LUZP2: variants seen among roughly 807,000 people sequenced by gnomAD.
LUZP2 encodes the protein leucine zipper protein 2.
LUZP2 carries 52 observed loss-of-function variants against 51.6 expected under a neutral mutation model. The ratio of observed to expected loss-of-function variants is 1.01; its 90% CI spans 0.81 to 1.27. The LOEUF is 1.27. LUZP2 is among the 50% of genes most tolerant of loss of function. The probability of loss-of-function intolerance (pLI) is 0.00; values close to 1 mark genes in which losing one functional copy is unlikely to be tolerated. For synonymous variants in LUZP2, 154 were observed against 137.3 expected, an observed-to-expected ratio of 1.12 and a Z score of -0.85; for missense variants, 436 against 395.4, an observed-to-expected ratio of 1.10 and a Z score of -0.87.
chr11:24,579,395 G>A (rs1414242245), intron 1 of LUZP2, among the ~76,000 whole-genome samples: 1 of 151,982 alleles, frequency 6.6e-6, no homozygotes, highest in Non-Finnish European at 1.5e-5. Context: ...TTCAGGTTTT[G>A]GATAAAGTTA....
At chr11:24,679,481 T>C (rs1856666707) in intron 1 of LUZP2, among the ~76,000 whole-genome samples, 1 of 152,162 alleles carries the variant, frequency 6.6e-6, no homozygotes, top group Admixed American at 6.5e-5. Context: ...CTAAGCTAGG[T>C]ACAAATTGTT....
intron 9 of LUZP2, among the ~76,000 whole-genome samples, chr11:25,009,560 T>G (rs1268092104): frequency 2.0e-5 from 3 of 152,178 alleles, no homozygotes; most frequent in Non-Finnish European, 4.4e-5. Context: ...CGTTTCATTT[T>G]CTTTTAAATA....
At chr11:24,937,890 G>T (rs1476954955) in intron 7 of LUZP2, among the ~76,000 whole-genome samples, 1 of 143,014 alleles carries the variant, frequency 7.0e-6, no homozygotes, top group Non-Finnish European at 1.5e-5. Flanking sequence ...GACAGGGCAA[G>T]ATTCCCTCTC....
chr11:24,590,726 A>G (rs1312616367), intron 1 of LUZP2, among the ~76,000 whole-genome samples: 1 of 152,196 alleles, frequency 6.6e-6, no homozygotes, highest in Non-Finnish European at 1.5e-5. Flanking sequence ...CAGAATAGGA[A>G]GTACATTAAT....
chr11:25,030,933 A>G (rs868506817), intron 9 of LUZP2, among the ~76,000 whole-genome samples: 6 of 1,302 alleles, frequency 4.6e-3, no homozygotes, highest in South Asian at 0.053. Context: ...TATATATAAT[A>G]TATATTATAT....
At position 24,981,758 on chromosome 11, in the gene LUZP2, A is replaced by T. The variant is rs544496149; in HGVS notation, c.598-1368A>T. 2.0e-5 allele frequency among the ~76,000 whole-genome samples: 3 copies of T among 152,014 alleles called. No homozygotes were observed. The East Asian group carries it at 5.8e-4, about 30-fold the overall frequency. On this transcript the variant is annotated intron_variant, in intron 8 of 11. Coordinates refer to ENST00000336930, the MANE Select transcript of LUZP2 (RefSeq NM_001009909.4). ...AAGAATCTACATTGCTATGGCAACGATTCTAAATACAGAAAGTTGATGCAG... is the reference window on the plus strand; with the variant it reads ...AAGAATCTACATTGCTATGGCAACGTTTCTAAATACAGAAAGTTGATGCAG...
At chr11:24,546,573 A>G (rs1439191566) in intron 1 of LUZP2, among the ~76,000 whole-genome samples, 1 of 152,102 alleles carries the variant, frequency 6.6e-6, no homozygotes, top group Non-Finnish European at 1.5e-5. Context: ...TGTGAATCAC[A>G]TTTATTGATT....
intron 5 of LUZP2, among the ~76,000 whole-genome samples, chr11:24,771,588 T>G (rs1195266172): frequency 6.6e-6 from 1 of 151,582 alleles, no homozygotes; most frequent in Admixed American, 6.6e-5. Context: ...TTACTAGTAC[T>G]AATGAATTAC....
At chr11:24,574,260 C>CTT (rs1156968274) in intron 1 of LUZP2, among the ~76,000 whole-genome samples, 1 of 7,364 alleles carries the variant, frequency 1.4e-4, no homozygotes, top group Non-Finnish European at 3.6e-4. Flanking sequence ...TTCTTTCTTT[C>CTT]TTGCTTTCTT....
chr11:24,613,614 A>G (rs1298241260), intron 1 of LUZP2, among the ~76,000 whole-genome samples: 2 of 152,032 alleles, frequency 1.3e-5, no homozygotes, highest in Non-Finnish European at 2.9e-5. Context: ...AGGAAGCAAC[A>G]ATAGATTAGA....
chr11:24,723,700 G>A (rs1858364735), intron 1 of LUZP2, among the ~76,000 whole-genome samples: 1 of 152,086 alleles, frequency 6.6e-6, no homozygotes. Context: ...GTATGGTGAT[G>A]TGTGCCTATA....
intron 9 of LUZP2, among the ~76,000 whole-genome samples, chr11:24,996,116 T>C (rs2133933807): frequency 6.6e-6 from 1 of 151,582 alleles, no homozygotes; most frequent in African/African-American, 2.4e-5. Context: ...TAACAACAAA[T>C]TGTGTATCTG....
intron 1 of LUZP2, among the ~76,000 whole-genome samples, chr11:24,702,189 A>G (rs1041598745): frequency 2.0e-5 from 3 of 152,208 alleles, no homozygotes; most frequent in Non-Finnish European, 4.4e-5. Flanking sequence ...CTGGAACTTG[A>G]TAGTCTCTTA....
At chr11:24,510,416 C>T (rs61245075) in intron 1 of LUZP2, among the ~76,000 whole-genome samples, 7,539 of 152,216 alleles carry the variant, frequency 0.05, 666 homozygotes, top group African/African-American at 0.17. Flanking sequence ...TAAGTACCTG[C>T]CTGCAACCCT....
At chr11:24,966,895 T>C (rs2133889555) in intron 7 of LUZP2, among the ~76,000 whole-genome samples, 1 of 147,804 alleles carries the variant, frequency 6.8e-6, no homozygotes, top group African/African-American at 2.4e-5. Context: ...ATGTCTAATA[T>C]ATATATTATA....
At chr11:24,656,596 T>G (rs2133973027) in intron 1 of LUZP2, among the ~76,000 whole-genome samples, 1 of 152,292 alleles carries the variant, frequency 6.6e-6, no homozygotes, top group African/African-American at 2.4e-5. Flanking sequence ...GGAAAGAATC[T>G]TCTTCCGAGC....
chr11:24,669,061 G>A (rs1856312627), intron 1 of LUZP2, among the ~76,000 whole-genome samples: 1 of 152,110 alleles, frequency 6.6e-6, no homozygotes, highest in Non-Finnish European at 1.5e-5. Flanking sequence ...TACTAGGCAG[G>A]CAGCAAGGTG....
chr11:24,914,160 C>T (rs183196330), intron 6 of LUZP2, among the ~76,000 whole-genome samples: 6 of 152,002 alleles, frequency 3.9e-5, no homozygotes, highest in African/African-American at 1.4e-4. Flanking sequence ...ATATAATTAG[C>T]GTCTAAAATT....
At position 25,078,676 on chromosome 11, in the gene LUZP2, T is replaced by TA. The variant is rs1170336080; in HGVS notation, c.*23dup. On this transcript the variant is annotated 3_prime_UTR_variant, in exon 12 of 12. Coordinates refer to ENST00000336930, the MANE Select transcript of LUZP2 (RefSeq NM_001009909.4). ...TACTGTAAATACTAAGAAACTGTGT[T>TA]AAAAACGTCCATTTGCTATTGTCTT... 6.4e-7 allele frequency: 1 copy of TA among 1,551,734 alleles called. No individual in the cohort carries two copies. Among genetic ancestry groups the TA allele is most frequent in the Non-Finnish European group, 8.8e-7 (1 of 1,134,118 alleles).
Sources: allele counts gnomAD v4.1 joint callset (sites outside exome capture counted in the v4.1 genomes callset), GRCh38; gene constraint gnomAD v4.1.1; transcripts MANE v1.5; gene names NCBI Gene and HGNC (gene_info 2026-07-23, HGNC 2026-07-21).